The following PKNOX2 variants were observed in gnomAD, a reference collection of about 807,000 sequenced individuals.
The protein encoded by PKNOX2 is homeobox protein PKNOX2.
In PKNOX2, 14 loss-of-function variants were observed where a neutral mutation model predicts 53.1. The observed-to-expected ratio is 0.26, with a 90% confidence interval of 0.17 to 0.41. The LOEUF is 0.41. Ranked by LOEUF, PKNOX2 falls within the 10% of genes least tolerant of loss-of-function variation. The pLI, the probability that PKNOX2 is intolerant of heterozygous loss-of-function variation, is 1.00. For missense variants in PKNOX2, 496 were observed against 602.8 expected (o/e 0.82, Z 1.85); for synonymous variants, 257 against 242.8 (o/e 1.06, Z -0.54).
Position 125,277,965 on chromosome 11 carries a change from A to G in PKNOX2, c.-130+42850A>G, listed in dbSNP as rs1040643661. The stretch of plus-strand genomic sequence containing the variant: ...GGTGTAGTTGCTCATGCCTATAATC[A>G]CAACACTTTGGGAGGCTGAGGCGGG... On this transcript the variant is annotated intron_variant, in intron 2 of 12. Transcript: ENST00000298282. Among the ~76,000 whole-genome samples, 55 of 152,076 alleles carry G rather than the reference A, an allele frequency of 3.6e-4. 1 individual carries two copies.
At chr11:125,219,064 G>A (rs7110114) in intron 1 of PKNOX2, among the ~76,000 whole-genome samples, 2,445 of 152,260 alleles carry the variant, frequency 0.016, 62 homozygotes, top group African/African-American at 0.055. Context: ...GGGAGCAGTG[G>A]GGGCTGCAGC....
Position 125,410,890 on chromosome 11 carries a change from G to A in PKNOX2, c.816+14G>A, listed in dbSNP as rs755868953. 2.5e-6 allele frequency: 4 copies of A among 1,602,568 alleles called. No homozygotes were observed. Among genetic ancestry groups the A allele is most frequent in the African/African-American group, 1.3e-5 (1 of 74,790 alleles). ...CAGAACACACAGGTGAGTGTGTGTA[G>A]GTGTGTGCACATGTGCATGGTGTGG... On this transcript the variant is annotated intron_variant, in intron 9 of 12. Coordinates refer to ENST00000298282, the MANE Select transcript of PKNOX2 (RefSeq NM_001382323.2).
intron 10 of PKNOX2, among the ~76,000 whole-genome samples, chr11:125,420,637 A>G (rs1956124313): frequency 6.6e-6 from 1 of 152,224 alleles, no homozygotes; most frequent in African/African-American, 2.4e-5. Flanking sequence ...AGAAGTTTCT[A>G]ACAATTGTTC....
At chr11:125,313,535 T>C (rs11220019) in intron 2 of PKNOX2, among the ~76,000 whole-genome samples, 32,794 of 152,058 alleles carry the variant, frequency 0.22, 3,583 homozygotes, top group East Asian at 0.33. Context: ...GCCACTCCAC[T>C]TCTTTACCTT....
chr11:125,317,679 G>C (rs1270557914), intron 2 of PKNOX2, among the ~76,000 whole-genome samples: 1 of 152,198 alleles, frequency 6.6e-6, no homozygotes, highest in Non-Finnish European at 1.5e-5. Flanking sequence ...CAGATGAGCT[G>C]TCACCCAGGC....
chr11:125,377,884 G>A (rs989974610), intron 5 of PKNOX2, among the ~76,000 whole-genome samples: 6 of 152,240 alleles, frequency 3.9e-5, no homozygotes, highest in Admixed American at 6.5e-5. Context: ...CATGGGCCGC[G>A]GGCTGGACAA....
intron 3 of PKNOX2, among the ~76,000 whole-genome samples, chr11:125,335,998 G>A (rs923630928): frequency 1.3e-5 from 2 of 152,170 alleles, no homozygotes; most frequent in African/African-American, 4.8e-5. Flanking sequence ...TAAATGTTAT[G>A]TTTTAAATAT....
chr11:125,191,805 G>A (rs996986037), intron 1 of PKNOX2, among the ~76,000 whole-genome samples: 2 of 152,196 alleles, frequency 1.3e-5, no homozygotes, highest in Admixed American at 6.5e-5. Flanking sequence ...GTTGAAAAGC[G>A]TCACTGGTAA....
At position 125,432,518 on chromosome 11, in the gene PKNOX2, T is replaced by C. The variant is rs1956746941; in HGVS notation, c.*1126T>C. 6.6e-6 allele frequency: 1 copy of C among 152,656 alleles called. No homozygotes were observed. Among genetic ancestry groups the C allele is most frequent in the Non-Finnish European group, 1.5e-5 (1 of 68,076 alleles). The allele number at this position is 152,656 out of a possible 1,614,324, so 9.5% of individuals were successfully genotyped here. ...TCCCTCTTCCCATCAATATCCTAAA[T>C]GTGGGGGAGGGCCCAGAGAATGGCA... is the stretch of plus-strand genomic sequence containing the variant. On this transcript the variant is annotated 3_prime_UTR_variant, in exon 13 of 13. Transcript: ENST00000298282.
At chr11:125,209,506 G>T (rs1396776580) in intron 1 of PKNOX2, among the ~76,000 whole-genome samples, 2 of 151,970 alleles carry the variant, frequency 1.3e-5, no homozygotes, top group Non-Finnish European at 2.9e-5. Context: ...CTGCTTTTGG[G>T]GTAGTAGGAA....
chr11:125,351,616 G>C (rs115883984), intron 4 of PKNOX2, among the ~76,000 whole-genome samples: 3,071 of 152,266 alleles, frequency 0.02, 106 homozygotes, highest in African/African-American at 0.069. Context: ...CAGGAGCTAG[G>C]ACTGGAAGCT....
intron 2 of PKNOX2, among the ~76,000 whole-genome samples, chr11:125,279,173 GTGGGC>G (rs1190206038): frequency 6.6e-6 from 1 of 152,222 alleles, no homozygotes; most frequent in Non-Finnish European, 1.5e-5. Context: ...CTCTGTGCTT[GTGGGC>G]ATGCCTGTGT....
intron 1 of PKNOX2, among the ~76,000 whole-genome samples, chr11:125,175,207 A>AGAAGGAAGGAAGGAAGGAAGGAAG (rs368917674): frequency 3.6e-5 from 5 of 138,978 alleles, no homozygotes; most frequent in South Asian, 2.3e-4. Context: ...GGGTTTGAGG[A>AGAAGGAAGGAAGGAAGGAAGGAAG]GAAGGAAGGA....
intron 10 of PKNOX2, among the ~76,000 whole-genome samples, chr11:125,426,476 T>A (rs1328355724): frequency 6.6e-6 from 1 of 152,222 alleles, no homozygotes; most frequent in African/African-American, 2.4e-5. Context: ...TGTGGGCTGG[T>A]GAACCAGCAC....
intron 2 of PKNOX2, among the ~76,000 whole-genome samples, chr11:125,271,719 GA>G (rs112128127): frequency 0.042 from 6,085 of 143,898 alleles, 363 homozygotes; most frequent in African/African-American, 0.13. Flanking sequence ...ACTTTGTCAA[GA>G]AAAAAAAAAA....
chr11:125,418,673 C>A (rs1023258703), intron 10 of PKNOX2, among the ~76,000 whole-genome samples: 1 of 152,016 alleles, frequency 6.6e-6, no homozygotes, highest in Non-Finnish European at 1.5e-5. Flanking sequence ...ACCTCCCCTG[C>A]GCAGAGCATT....
At chr11:125,234,673 C>T (rs1330182018) in intron 1 of PKNOX2, among the ~76,000 whole-genome samples, 1 of 152,126 alleles carries the variant, frequency 6.6e-6, no homozygotes. Context: ...TGGGGTCTTC[C>T]AATAGGTAGG....
rs959268215 is a variant in PKNOX2, at chr11:125,370,388, G to T, written c.227+2403G>T. Among the ~76,000 whole-genome samples, 2 of 152,208 alleles carry T rather than the reference G, an allele frequency of 1.3e-5. No homozygotes were observed. The highest frequency in any genetic ancestry group is 2.4e-5 in the African/African-American group (1 of 41,456). On this transcript the variant is annotated intron_variant, in intron 5 of 12. Coordinates refer to ENST00000298282, the MANE Select transcript of PKNOX2 (RefSeq NM_001382323.2). The surrounding 1 kb of genome is among the most constrained non-coding windows in gnomAD (Gnocchi z 4.1). ...GAGGTGGGTCACTGCCCCCATGGGA[G>T]CCACCACATGGATGTCACTTGAAGA...
intron 1 of PKNOX2, among the ~76,000 whole-genome samples, chr11:125,195,097 T>G (rs1044336955): frequency 1.3e-5 from 2 of 152,188 alleles, no homozygotes; most frequent in African/African-American, 4.8e-5. Context: ...CCAGGGAGTC[T>G]GTTTCCATGT....
Sources: gnomAD v4.1 joint callset for allele counts (sites outside exome capture counted in the v4.1 genomes callset) on GRCh38, gnomAD v4.1.1 for gene constraint, Gnocchi (gnomAD v3.1) non-coding constraint, MANE v1.5 for transcripts, NCBI Gene and HGNC (gene_info 2026-07-23, HGNC 2026-07-21) for gene names.